The following SIPA1L2 variants were observed in gnomAD, a reference collection of about 807,000 sequenced individuals.
SIPA1L2 encodes signal induced proliferation associated 1 like 2.
Under a neutral mutation model 163.9 loss-of-function variants are expected in SIPA1L2, and 56 were observed. The observed-to-expected ratio is 0.34, with a 90% confidence interval of 0.28 to 0.43. The LOEUF (loss-of-function observed/expected upper bound fraction) is 0.43. Among genes scored for constraint, SIPA1L2 ranks in the 20% least tolerant of loss-of-function variants. SIPA1L2 has a pLI of 1.00. For missense variants in SIPA1L2, 1,974 were observed against 2,193.5 expected, an observed-to-expected ratio of 0.90 and a Z score of 2.00; for synonymous variants, 877 against 865.7, an observed-to-expected ratio of 1.01 and a Z score of -0.23.
At chr1:232,530,327 G>A (rs1255816898) in intron 2 of SIPA1L2, among the ~76,000 whole-genome samples, 12 of 152,068 alleles carry the variant, frequency 7.9e-5, no homozygotes, top group Admixed American at 7.9e-4. Flanking sequence ...AATTGGCCAG[G>A]ATGGTCTCAA....
chr1:232,535,272 A>G (rs1243741029), intron 2 of SIPA1L2, among the ~76,000 whole-genome samples: 2 of 152,212 alleles, frequency 1.3e-5, no homozygotes, highest in Admixed American at 1.3e-4. Context: ...GTCATAATTT[A>G]AAGTCTCTCT....
chr1:232,499,482 C>T (rs1214364746), intron 3 of SIPA1L2, among the ~76,000 whole-genome samples: 1 of 152,244 alleles, frequency 6.6e-6, no homozygotes, highest in East Asian at 1.9e-4. Context: ...AAGGCCCTAT[C>T]TCTCTTCAAT....
chr1:232,592,809 GAAA>G (rs541158763), intron 1 of SIPA1L2, among the ~76,000 whole-genome samples: 1 of 145,818 alleles, frequency 6.9e-6, no homozygotes, highest in Non-Finnish European at 1.5e-5. Context: ...ATGTTCACAG[GAAA>G]AAAAAAAAAA....
intron 2 of SIPA1L2, among the ~76,000 whole-genome samples, chr1:232,554,987 A>C (rs1207872506): frequency 7.0e-6 from 1 of 142,882 alleles, no homozygotes; most frequent in East Asian, 2.9e-4. Context: ...CATGGAATAA[A>C]AGCAAATAAA....
Position 232,515,034 on chromosome 1 carries a change from C to T in SIPA1L2, c.306G>A (p.Arg102=). The T allele has an allele frequency of 6.2e-7, 1 of 1,614,162 alleles. No homozygotes were observed. The highest frequency in any genetic ancestry group is 8.5e-7 in the Non-Finnish European group (1 of 1,180,036). ...ELTCKALWES[R]SQTSYESITS... ...TGATGCTTTCATAACTGGTCTGAGA[C>T]CGGCTTTCCCACAGTGCCTTGCATG... Residue 102 remains arginine (R), a synonymous_variant, in exon 3 of 23, where the codon CGG becomes CGA. Transcript: ENST00000674635.
At chr1:232,521,389 C>G (rs1295506246) in intron 2 of SIPA1L2, among the ~76,000 whole-genome samples, 1 of 152,040 alleles carries the variant, frequency 6.6e-6, no homozygotes, top group Non-Finnish European at 1.5e-5. Flanking sequence ...ATAAAGAAAC[C>G]CTGAAGGATT....
At chr1:232,482,249 C>T (rs1263632763) in intron 6 of SIPA1L2, among the ~76,000 whole-genome samples, 3 of 152,082 alleles carry the variant, frequency 2.0e-5, no homozygotes, top group Non-Finnish European at 2.9e-5. Context: ...GGATTATCTA[C>T]GTTGTAGTTT....
intron 2 of SIPA1L2, among the ~76,000 whole-genome samples, chr1:232,525,858 G>C (rs1434146247): frequency 6.6e-6 from 1 of 152,152 alleles, no homozygotes; most frequent in Non-Finnish European, 1.5e-5. Flanking sequence ...ATCACCACCT[G>C]ACACCTGAGC....
chr1:232,625,265 G>A (rs1188019770), intron 1 of SIPA1L2, among the ~76,000 whole-genome samples: 2 of 152,310 alleles, frequency 1.3e-5, no homozygotes, highest in South Asian at 2.1e-4. Context: ...GACACACTTC[G>A]TGTTGTTCAG....
chr1:232,450,079 T>C (rs376498118), intron 10 of SIPA1L2, among the ~76,000 whole-genome samples: 3 of 152,184 alleles, frequency 2.0e-5, no homozygotes, highest in African/African-American at 7.2e-5. Context: ...TCTTAACACC[T>C]GCTTATAGAA....
intron 11 of SIPA1L2, 152 bp from the exon 12 acceptor site, chr1:232,443,837 A>G (rs1171763406): frequency 3.3e-6 from 2 of 604,836 alleles, no homozygotes; most frequent in Admixed American, 3.8e-5. Flanking sequence ...TAAATCATGG[A>G]AAAATAAACT....
intron 9 of SIPA1L2, among the ~76,000 whole-genome samples, chr1:232,463,215 C>G (rs980970486): frequency 3.9e-5 from 6 of 152,334 alleles, no homozygotes; most frequent in Non-Finnish European, 5.9e-5. Flanking sequence ...TAGGAACAAA[C>G]TCTCATTCTG....
rs531164390 is a variant in SIPA1L2, at chr1:232,405,799, C to T, written c.4763-1621G>A. 3.7e-4 allele frequency among the ~76,000 whole-genome samples: 57 copies of T among 152,228 alleles called. 2 individuals carry two copies. Among genetic ancestry groups the T allele is most frequent in the African/African-American group, 1.3e-3 (56 of 41,538 alleles). On this transcript the variant is annotated intron_variant, in intron 19 of 22. Coordinates refer to ENST00000674635, the MANE Select transcript of SIPA1L2 (RefSeq NM_020808.5). ...AGTGATAATTCAGTTATGTTTCTTT[C>T]TCAATGTATTTGGGTCTGGTGGTCA...
chr1:232,417,940 T>C (rs911708602), intron 18 of SIPA1L2, among the ~76,000 whole-genome samples: 1 of 152,160 alleles, frequency 6.6e-6, no homozygotes, highest in African/African-American at 2.4e-5. Flanking sequence ...TCCTCCCTCC[T>C]TCCCTCACTG....
intron 18 of SIPA1L2, among the ~76,000 whole-genome samples, chr1:232,418,260 A>G (rs1353748331): frequency 1.3e-5 from 2 of 152,244 alleles, no homozygotes; most frequent in Non-Finnish European, 2.9e-5. Flanking sequence ...CAATGAGAAC[A>G]GAGGGGATGG....
chr1:232,494,414 A>C (rs1376016009), intron 3 of SIPA1L2, among the ~76,000 whole-genome samples: 1 of 152,222 alleles, frequency 6.6e-6, no homozygotes, highest in Non-Finnish European at 1.5e-5. Context: ...CTTTCCTAAG[A>C]GATGGTCACA....
intron 1 of SIPA1L2, among the ~76,000 whole-genome samples, chr1:232,604,973 T>C (rs1371171839): frequency 6.6e-6 from 1 of 152,146 alleles, no homozygotes; most frequent in Non-Finnish European, 1.5e-5. Flanking sequence ...AAACCTCTTT[T>C]CCTTATAAAT....
intron 2 of SIPA1L2, among the ~76,000 whole-genome samples, chr1:232,549,615 T>C (rs1573066484): frequency 6.6e-6 from 1 of 152,142 alleles, no homozygotes; most frequent in Non-Finnish European, 1.5e-5. Flanking sequence ...ACTTTTTCCC[T>C]AATGATTGTA....
At chr1:232,630,302 G>A (rs1017749954), upstream of SIPA1L2, among the ~76,000 whole-genome samples, 2 of 151,832 alleles carry the variant, frequency 1.3e-5, no homozygotes, top group African/African-American at 2.4e-5. Context: ...CAGCCGGTGC[G>A]CTGTTCCCAG....
Sources: allele counts gnomAD v4.1 joint callset (sites outside exome capture counted in the v4.1 genomes callset), GRCh38; gene constraint gnomAD v4.1.1; transcripts MANE v1.5; gene names NCBI Gene and HGNC (gene_info 2026-07-23, HGNC 2026-07-21).